The following KAZN variants were observed in gnomAD, a reference collection of about 807,000 sequenced individuals.
The protein encoded by KAZN is kazrin.
KAZN carries 40 observed loss-of-function variants against 87.4 expected under a neutral mutation model. The observed-to-expected ratio is 0.46, with a 90% CI of 0.36 to 0.60. The LOEUF is 0.60. Ranked by LOEUF, KAZN falls within the 20% of genes least tolerant of loss-of-function variation. The pLI is 0.00. For missense variants in KAZN, 898 were observed against 1,073.9 expected, an observed-to-expected ratio of 0.84 and a Z score of 2.29; for synonymous variants, 466 against 458.3, an observed-to-expected ratio of 1.02 and a Z score of -0.22.
chr1:14,973,259 G>T (rs187590088), intron 2 of KAZN, among the ~76,000 whole-genome samples: 15 of 152,302 alleles, frequency 9.8e-5, no homozygotes, highest in South Asian at 4.1e-4. Context: ...CCTACTGTTT[G>T]CCAGACATTA....
chr1:14,659,473 C>T (rs927181652), intron 1 of KAZN, among the ~76,000 whole-genome samples: 2 of 152,150 alleles, frequency 1.3e-5, no homozygotes, highest in African/African-American at 2.4e-5. Flanking sequence ...CCTAGCCTCT[C>T]TGCTCACCTT....
chr1:14,517,565 T>C (rs1671363061), intron 2 of KAZN, among the ~76,000 whole-genome samples: 1 of 152,252 alleles, frequency 6.6e-6, no homozygotes, highest in Non-Finnish European at 1.5e-5. Context: ...GCGCCATTTG[T>C]GACTCACAGC....
chr1:13,990,349 G>T (rs1639219275), intron 1 of KAZN, among the ~76,000 whole-genome samples: 1 of 152,168 alleles, frequency 6.6e-6, no homozygotes, highest in Non-Finnish European at 1.5e-5. Flanking sequence ...AGTAATAAAA[G>T]AAGTGTATTC....
chr1:14,267,837 G>GT (rs1651613373), intron 2 of KAZN, among the ~76,000 whole-genome samples: 2 of 152,244 alleles, frequency 1.3e-5, no homozygotes, highest in African/African-American at 4.8e-5. Context: ...GTGCACACCT[G>GT]TAATCCCAAC....
At chr1:14,454,719 CAAAT>C in intron 2 of KAZN, among the ~76,000 whole-genome samples, 2 of 152,292 alleles carry the variant, frequency 1.3e-5, no homozygotes, top group South Asian at 2.1e-4. Flanking sequence ...CACTAACAAA[CAAAT>C]AATCTCTGGA....
chr1:14,228,440 A>C (rs796198201), intron 2 of KAZN, among the ~76,000 whole-genome samples: 2 of 152,264 alleles, frequency 1.3e-5, no homozygotes, highest in African/African-American at 4.8e-5. Flanking sequence ...TTTGAATGAC[A>C]ATGTGACCTC....
chr1:14,545,911 C>A (rs1283718114), intron 2 of KAZN, among the ~76,000 whole-genome samples: 2 of 152,144 alleles, frequency 1.3e-5, no homozygotes, highest in African/African-American at 4.8e-5. Context: ...CCCCACTTAG[C>A]CCCACTGAGA....
rs187950926 is a variant in KAZN, at chr1:14,274,180, C to T, written c.249+93588C>T. Among the ~76,000 whole-genome samples the T allele has an allele frequency of 2.5e-4, 38 of 152,242 alleles. No homozygotes were observed. The East Asian group carries it at 2.7e-3, about 11-fold the overall frequency. On this transcript the variant is annotated intron_variant, in intron 2 of 16. Transcript: ENST00000636203. The stretch of plus-strand genomic sequence containing the variant: ...TTGCCTTGGGGTTAATATTTTTGTA[C>T]GTGAAAAATGTGATGAAATGGATGT...
intron 2 of KAZN, among the ~76,000 whole-genome samples, chr1:14,378,397 G>A (rs899213625): frequency 3.9e-5 from 6 of 152,192 alleles, no homozygotes; most frequent in Admixed American, 6.5e-5. Flanking sequence ...CTATCTGCAC[G>A]AAGAAACAAC....
chr1:14,173,596 T>C (rs1415532636), intron 1 of KAZN, among the ~76,000 whole-genome samples: 1 of 152,162 alleles, frequency 6.6e-6, no homozygotes, highest in Non-Finnish European at 1.5e-5. Flanking sequence ...AACCTCTCTT[T>C]TTCAGCTGGG....
chr1:13,921,808 T>A (rs1393768780), intron 1 of KAZN, among the ~76,000 whole-genome samples: 1 of 152,036 alleles, frequency 6.6e-6, no homozygotes, highest in African/African-American at 2.4e-5. Flanking sequence ...ATGTTTTGTA[T>A]TTTTAGTAGA....
intron 2 of KAZN, among the ~76,000 whole-genome samples, chr1:14,534,369 G>A (rs1234597339): frequency 6.6e-6 from 1 of 152,218 alleles, no homozygotes; most frequent in East Asian, 1.9e-4. Flanking sequence ...CACTGGCTGG[G>A]TGCAATGACT....
At chr1:14,399,811 C>T (rs1663232618) in intron 2 of KAZN, among the ~76,000 whole-genome samples, 1 of 147,112 alleles carries the variant, frequency 6.8e-6, no homozygotes, top group Non-Finnish European at 1.5e-5. Context: ...CTCTACTCAT[C>T]AATTACCTCT....
intron 2 of KAZN, among the ~76,000 whole-genome samples, chr1:14,319,912 A>T (rs997624216): frequency 6.6e-6 from 1 of 152,254 alleles, no homozygotes; most frequent in Middle Eastern, 3.4e-3. Flanking sequence ...TTTATCCCCA[A>T]CCCTGACTCA....
intron 14 of KAZN, chr1:15,113,643 A>G (rs902731907): frequency 6.6e-6 from 1 of 151,960 alleles, no homozygotes; most frequent in Admixed American, 6.6e-5. Context: ...AGCACTTGCT[A>G]TGTGCTTTGC....
At chr1:14,373,198 A>AATATATATATATATATATAT (rs58491688) in intron 2 of KAZN, among the ~76,000 whole-genome samples, 97 of 149,202 alleles carry the variant, frequency 6.5e-4, no homozygotes, top group African/African-American at 2.0e-3. Flanking sequence ...TGAAAAACTG[A>AATATATATATATATATATAT]ATATATATAT....
At chr1:14,299,206 TAAAG>T (rs1041754409) in intron 2 of KAZN, among the ~76,000 whole-genome samples, 76 of 151,832 alleles carry the variant, frequency 5.0e-4, no homozygotes, top group Non-Finnish European at 7.1e-4. Context: ...ACGAAACAAA[TAAAG>T]AAAATCATTA....
At chr1:14,834,013 A>G (rs1647138356) in intron 1 of KAZN, among the ~76,000 whole-genome samples, 1 of 148,236 alleles carries the variant, frequency 6.7e-6, no homozygotes, top group Non-Finnish European at 1.5e-5. Flanking sequence ...ACACACATAC[A>G]CACACATACA....
At chr1:15,070,227 T>C (rs10803346) in intron 8 of KAZN, among the ~76,000 whole-genome samples, 23,041 of 152,256 alleles carry the variant, frequency 0.15, 3,218 homozygotes, top group African/African-American at 0.38. Context: ...CAAGGCCCCT[T>C]GCCCACCAGT....
Sources: allele counts gnomAD v4.1 joint callset (sites outside exome capture counted in the v4.1 genomes callset), GRCh38; gene constraint gnomAD v4.1.1; transcripts MANE v1.5; gene names NCBI Gene and HGNC (gene_info 2026-07-23, HGNC 2026-07-21).